Variants in ADAP1 observed in about 807,000 individuals in gnomAD.
The protein encoded by ADAP1 is arf-GAP with dual PH domain-containing protein 1.
In ADAP1, 31 loss-of-function variants were observed where a neutral mutation model predicts 54.9. That is an observed-to-expected ratio of 0.56 (90% CI 0.42 to 0.76). The LOEUF is 0.76. Among genes scored for constraint, ADAP1 ranks in the 30% least tolerant of loss-of-function variants. The pLI is 0.00. For missense variants in ADAP1, 535 were observed against 512.4 expected, an observed-to-expected ratio of 1.04 and a Z score of -0.42; for synonymous variants, 313 against 202.6, an observed-to-expected ratio of 1.55 and a Z score of -4.63.
At chr7:912,244 CGT>C (rs1845754538) in intron 4 of ADAP1, among the ~76,000 whole-genome samples, 1 of 152,168 alleles carries the variant, frequency 6.6e-6, no homozygotes, top group Non-Finnish European at 1.5e-5. Flanking sequence ...GGAAGCCCCG[CGT>C]CTCAGCGAGA....
Position 933,042 on chromosome 7 carries a change from T to C in ADAP1, c.213+2333A>G, listed in dbSNP as rs143376809. ...ATCCCAGCACTTCGGGAGGCTGAGGTGGGTGGATCACCTGCGGTCAGGAGT... is the reference window on the plus strand; with the variant it reads ...ATCCCAGCACTTCGGGAGGCTGAGGCGGGTGGATCACCTGCGGTCAGGAGT... On this transcript the variant is annotated intron_variant, in intron 2 of 10. Transcript: ENST00000265846. Among the ~76,000 whole-genome samples the C allele has an allele frequency of 3.6e-3, 554 of 152,004 alleles. 3 individuals carry two copies. Among genetic ancestry groups the C allele is most frequent in the African/African-American group, 0.012 (506 of 41,472 alleles).
At chr7:900,193 C>T (rs752532985) in intron 7 of ADAP1, 29 bp from the exon 8 acceptor site, 1 of 1,612,508 alleles carries the variant, frequency 6.2e-7, no homozygotes, top group Non-Finnish European at 8.5e-7. Context: ...GGCAGGGGAC[C>T]TCAGAAGTGC....
intron 2 of ADAP1, among the ~76,000 whole-genome samples, chr7:932,879 G>A (rs1170885042): frequency 1.3e-5 from 2 of 152,166 alleles, no homozygotes; most frequent in African/African-American, 4.8e-5. Context: ...GCTGATTTGG[G>A]GTCGCCCTGG....
At position 926,920 on chromosome 7, in the gene ADAP1, A is replaced by G; in HGVS notation, c.214-276T>C. On this transcript the variant is annotated intron_variant, in intron 2 of 10. Coordinates refer to ENST00000265846, the MANE Select transcript of ADAP1 (RefSeq NM_006869.4). The surrounding 1 kb of genome is among the most constrained non-coding windows in gnomAD (Gnocchi z 4.6). The stretch of plus-strand genomic sequence containing the variant: ...CAGGCCCCTTTTGAGGATGGGTCTG[A>G]GGTTTGCCCCACCGTTTCAACCCCC... 2 of 1,184,132 alleles carry G rather than the reference A, an allele frequency of 1.7e-6. No homozygotes were observed. Among genetic ancestry groups the G allele is most frequent in the East Asian group, 3.5e-5 (1 of 28,360 alleles). 73.4% of individuals were successfully genotyped at this position (1,184,132 alleles called of 1,614,324 possible).
chr7:937,140 G>A (rs1283094454), intron 1 of ADAP1, among the ~76,000 whole-genome samples: 2 of 111,320 alleles, frequency 1.8e-5, no homozygotes, highest in Non-Finnish European at 3.9e-5. Context: ...GGGATTTGGG[G>A]GTCACGCCCG....
At position 920,885 on chromosome 7, in the gene ADAP1, A is replaced by G. The variant is rs1321995447; in HGVS notation, c.306-835T>C. ...CCCCAGCCTTTTCCACTCCCAGGGA[A>G]TTACGCGGCAAAGAACAAATAGGAA... On this transcript the variant is annotated intron_variant, in intron 3 of 10. Transcript: ENST00000265846. The surrounding 1 kb of genome is among the most constrained non-coding windows in gnomAD (Gnocchi z 4.5). The G allele has an allele frequency of 7.1e-6, 11 of 1,549,658 alleles. No individual in the cohort carries two copies. In the East Asian group the frequency reaches 2.2e-4, roughly 31 times the overall value.
rs191377976 is a variant in ADAP1 at position 901,283 on chromosome 7, T to C, written c.649-667A>G. On this transcript the variant is annotated intron_variant, in intron 6 of 10. Coordinates refer to ENST00000265846, the MANE Select transcript of ADAP1 (RefSeq NM_006869.4). ...CTGCCCCTAGACCCAGCGCCCCTCC[T>C]GGGGTCTGCCCAGACCCTTGGCCCC... The C allele has an allele frequency of 1.0e-3, 359 of 343,900 alleles. 3 individuals carry two copies. Among genetic ancestry groups the C allele is most frequent in the African/African-American group, 6.9e-3 (319 of 46,476 alleles). The allele number at this position is 343,900 out of a possible 1,614,324, so 21.3% of individuals were successfully genotyped here.
intron 5 of ADAP1, 60 bp downstream of exon 5, chr7:905,000 G>T: frequency 6.8e-7 from 1 of 1,474,656 alleles, no homozygotes; most frequent in Non-Finnish European, 9.4e-7. Context: ...AGGCCCCAGT[G>T]TGGGAGGCCG....
chr7:952,334 T>C (rs1310597478), intron 1 of ADAP1, among the ~76,000 whole-genome samples: 1 of 152,094 alleles, frequency 6.6e-6, no homozygotes, highest in African/African-American at 2.4e-5. Context: ...TCTGGGACTG[T>C]CTGATGTCCT....
At chr7:925,570 G>A (rs752494006) in intron 3 of ADAP1, among the ~76,000 whole-genome samples, 1 of 151,106 alleles carries the variant, frequency 6.6e-6, no homozygotes, top group African/African-American at 2.4e-5. Flanking sequence ...AGGGGGCACA[G>A]ACCCCAAACA....
At chr7:951,235 T>C (rs1268587009) in intron 1 of ADAP1, among the ~76,000 whole-genome samples, 1 of 151,700 alleles carries the variant, frequency 6.6e-6, no homozygotes, top group Non-Finnish European at 1.5e-5. Flanking sequence ...TAGCCGGGCG[T>C]GGTGGCGGGT....
intron 4 of ADAP1, among the ~76,000 whole-genome samples, chr7:915,519 G>A (rs566058515): frequency 1.6e-4 from 24 of 152,338 alleles, no homozygotes; most frequent in African/African-American, 4.8e-4. Context: ...CCGACCCTGC[G>A]AGCAAGCGTG....
intron 8 of ADAP1, 103 bp from the exon 9 acceptor site, chr7:899,593 T>C: frequency 7.6e-7 from 1 of 1,320,346 alleles, no homozygotes; most frequent in Non-Finnish European, 1.0e-6. Flanking sequence ...CTGGCCCGGG[T>C]CAGTCACCTC....
chr7:909,617 G>A (rs1433501704), intron 4 of ADAP1, among the ~76,000 whole-genome samples: 2 of 152,354 alleles, frequency 1.3e-5, no homozygotes, highest in East Asian at 3.9e-4. Flanking sequence ...GGACCTCAGG[G>A]GCCTGCAGCC....
intron 1 of ADAP1, among the ~76,000 whole-genome samples, chr7:937,259 ACCTCTGGGATTTGGGGGTCATGCCTGG>A (rs1846797834): frequency 9.4e-4 from 4 of 4,244 alleles, no homozygotes; most frequent in Admixed American, 2.7e-3. Flanking sequence ...GTCACGCCCG[ACCTCTGGGATTTGGGGGTCATGCCTGG>A]CCTCTGGGAT....
intron 3 of ADAP1, chr7:922,962 T>G (rs1467929597): frequency 6.7e-6 from 1 of 149,152 alleles, no homozygotes; most frequent in East Asian, 2.0e-4. Flanking sequence ...TGAGTGTGCC[T>G]GTATTTGGAA....
chr7:902,458 C>CAAA (rs758277562), intron 6 of ADAP1, among the ~76,000 whole-genome samples: 1 of 66,538 alleles, frequency 1.5e-5, no homozygotes. Context: ...AACTCTGCCT[C>CAAA]AAAAAAAAAA....
intron 4 of ADAP1, among the ~76,000 whole-genome samples, chr7:911,136 C>T (rs1050270750): frequency 4.6e-5 from 7 of 152,172 alleles, no homozygotes; most frequent in Non-Finnish European, 7.4e-5. Context: ...GTCCCAGCTT[C>T]GCCCTGCGTG....
chr7:914,509 C>T (rs1333202225), intron 4 of ADAP1, among the ~76,000 whole-genome samples: 1 of 152,174 alleles, frequency 6.6e-6, no homozygotes, highest in Non-Finnish European at 1.5e-5. Flanking sequence ...CCGCCCCAGA[C>T]AGGAGGACAC....
Sources: allele counts gnomAD v4.1 joint callset (sites outside exome capture counted in the v4.1 genomes callset), GRCh38; gene constraint gnomAD v4.1.1; non-coding constraint Gnocchi (gnomAD v3.1); transcripts MANE v1.5; gene names NCBI Gene and HGNC (gene_info 2026-07-23, HGNC 2026-07-21).